RASGRP4: variants seen among roughly 807,000 people sequenced by gnomAD.
RASGRP4 encodes the protein RAS guanyl-releasing protein 4.
A neutral mutation model predicts 84.4 loss-of-function variants in RASGRP4; 52 were observed. The observed-to-expected ratio is 0.62, with a 90% CI of 0.49 to 0.78. RASGRP4 has a LOEUF of 0.78. Among genes scored for constraint, RASGRP4 ranks in the 30% least tolerant of loss-of-function variants. The pLI is 0.00. For missense variants in RASGRP4, 760 were observed against 886.9 expected, an observed-to-expected ratio of 0.86 and a Z score of 1.82; for synonymous variants, 356 against 359.1, an observed-to-expected ratio of 0.99 and a Z score of 0.10.
rs746276295 is a variant in RASGRP4 at position 38,412,981 on chromosome 19, C to T, written c.1485G>A (p.Ser495=). 20 of 1,613,888 alleles carry T rather than the reference C, an allele frequency of 1.2e-5. No homozygotes were observed. In the African/African-American group the frequency reaches 1.3e-4, roughly 11 times the overall value. ...CATGGCAGGCGAAGGGAAAATTGCC[C>T]GAGAGTCGCTCAAAGTCCTCCTGAG... ...TISQEDFERL[S]GNFPFACHGL... Residue 495 remains serine (S), a synonymous_variant, in exon 12 of 17, where the codon TCG becomes TCA. Coordinates refer to ENST00000615439, the MANE Select transcript of RASGRP4 (RefSeq NM_170604.3). The surrounding 1 kb of genome is among the most constrained non-coding windows in gnomAD (Gnocchi z 4.6).
chr19:38,410,507 G>A (rs1212568969), intron 16 of RASGRP4, among the ~76,000 whole-genome samples: 1 of 151,326 alleles, frequency 6.6e-6, no homozygotes, highest in Non-Finnish European at 1.5e-5. Context: ...CTGCCTCCCG[G>A]GCTCAAGTGA....
In RASGRP4 at chr19:38,413,335, T is replaced by C. The variant is rs1368371048; in HGVS notation, c.1312-38A>G. 6.9e-6 allele frequency: 11 copies of C among 1,591,080 alleles called. No individual in the cohort carries two copies. The highest frequency in any genetic ancestry group is 8.6e-6 in the Non-Finnish European group (10 of 1,160,388). On this transcript the variant is annotated intron_variant, in intron 10 of 16. Coordinates refer to ENST00000615439, the MANE Select transcript of RASGRP4 (RefSeq NM_170604.3). The surrounding 1 kb of genome is among the most constrained non-coding windows in gnomAD (Gnocchi z 4.7). ...CAGAGGAGCACAGTTAGTCACTGCA[T>C]AGGCTTAGGGGGGGTTCGAGGTAAT...
intron 1 of RASGRP4, among the ~76,000 whole-genome samples, chr19:38,423,911 G>A (rs577365162): frequency 6.6e-6 from 1 of 152,238 alleles, no homozygotes; most frequent in East Asian, 1.9e-4. Flanking sequence ...AGAGGCTGCT[G>A]TTCCTGATAG....
intron 8 of RASGRP4, among the ~76,000 whole-genome samples, chr19:38,415,812 A>AC (rs1971475170): frequency 6.6e-6 from 1 of 151,214 alleles, no homozygotes; most frequent in Non-Finnish European, 1.5e-5. Context: ...TAATCCCAGC[A>AC]TTTTGAGAGG....
rs1007822060 is a variant in RASGRP4 at position 38,417,874 on chromosome 19, G to C, written c.837+517C>G. Among the ~76,000 whole-genome samples, 3 of 152,176 alleles carry C rather than the reference G, an allele frequency of 2.0e-5. No homozygotes were observed. ...GTGGTCTGCGTGGAAATACGCAAGG[G>C]GGCGCGGCCACAGCGGGGCCGTAGG... On this transcript the variant is annotated intron_variant, in intron 7 of 16. Coordinates refer to ENST00000615439, the MANE Select transcript of RASGRP4 (RefSeq NM_170604.3). This position sits in a 1 kb window ranked among gnomAD's most constrained non-coding sequence, Gnocchi z 5.1.
In RASGRP4 at chr19:38,417,319, G is replaced by A. The variant is rs1971540401; in HGVS notation, c.838-151C>T. Among the ~76,000 whole-genome samples, 1 of 152,180 alleles carries A rather than the reference G, an allele frequency of 6.6e-6. No individual in the cohort carries two copies. Among genetic ancestry groups the A allele is most frequent in the Admixed American group, 6.5e-5 (1 of 15,288 alleles). On this transcript the variant is annotated intron_variant, in intron 7 of 16. Coordinates refer to ENST00000615439, the MANE Select transcript of RASGRP4 (RefSeq NM_170604.3). The surrounding 1 kb of genome is among the most constrained non-coding windows in gnomAD (Gnocchi z 5.1). ...GAGAGAAGGCGGGTGTGTGCGGCAAGAGTGGGACATGCCATGTGTGGGCCT... is the reference window on the plus strand; with the variant it reads ...GAGAGAAGGCGGGTGTGTGCGGCAAAAGTGGGACATGCCATGTGTGGGCCT...
intron 1 of RASGRP4, among the ~76,000 whole-genome samples, chr19:38,423,785 C>T (rs535874351): frequency 3.3e-5 from 5 of 152,048 alleles, no homozygotes; most frequent in Admixed American, 1.3e-4. Flanking sequence ...TGCAGTGAGC[C>T]GAGATCGTGC....
chr19:38,415,172 C>CCCTGA, intron 8 of RASGRP4, 49 bp from the exon 9 acceptor site: 1 of 1,490,978 alleles, frequency 6.7e-7, no homozygotes, highest in Non-Finnish European at 9.0e-7. Flanking sequence ...CAGTCCCATC[C>CCCTGA]CCTGAGCAGC....
chr19:38,414,415 C>G (rs1321430667), intron 9 of RASGRP4, among the ~76,000 whole-genome samples: 1 of 151,846 alleles, frequency 6.6e-6, no homozygotes, highest in Non-Finnish European at 1.5e-5. Context: ...CAACCTCCAC[C>G]TCCCGGGTTC....
rs1568414771 is a variant in RASGRP4, at chr19:38,421,162, T to A, written c.247A>T (p.Asn83Tyr). ...GSLCHEDHML[N>Y]MVLAMHSWVL... ...CAGCTGTGCATGGCCAGCACCATGT[T>A]GAGCATGTGGTCCTCGTGGCACAGG... Residue 83 changes from asparagine (N) to tyrosine (Y), a missense_variant, in exon 3 of 17, where the codon AAC (asparagine) becomes TAC (tyrosine). Asn to Tyr is a moderately radical substitution (Grantham distance 143). Coordinates refer to ENST00000615439, the MANE Select transcript of RASGRP4 (RefSeq NM_170604.3). 7 of 1,613,916 alleles carry A rather than the reference T, an allele frequency of 4.3e-6. No homozygotes were observed. The highest frequency in any genetic ancestry group is 5.9e-6 in the Non-Finnish European group (7 of 1,179,868).
Position 38,411,241 on chromosome 19 carries a change from GC to G in RASGRP4, c.1725del (p.Leu576CysfsTer11), listed in dbSNP as rs1216385192. Reference sequence around the variant, plus strand: ...TCTCTGCAGTGTTTGTGGCAACACAGCCCGCACTCTGGGGGAAGGCAGCGGC... The same window carrying G: ...TCTCTGCAGTGTTTGTGGCAACACAGCCGCACTCTGGGGGAAGGCAGCGGC... Reference protein sequence around the residue: ...TKQGYRCRECGLCCHKHCRDQ... With the variant: ...TKQGYRCRECXLCCHKHCRDQ... On this transcript the variant is annotated frameshift_variant, in exon 15 of 17. Transcript: ENST00000615439. LOFTEE classifies it high-confidence loss of function. The G allele has an allele frequency of 1.2e-6, 2 of 1,613,858 alleles. No individual in the cohort carries two copies. Among genetic ancestry groups the G allele is most frequent in the African/African-American group, 2.7e-5 (2 of 74,938 alleles).
rs923668970 is a variant in RASGRP4 at position 38,409,580 on chromosome 19, A to C, written c.*460T>G. 1 of 152,872 alleles carries C rather than the reference A, an allele frequency of 6.5e-6. No individual in the cohort carries two copies. The highest frequency in any genetic ancestry group is 2.4e-5 in the African/African-American group (1 of 41,426). The allele number at this position is 152,872 out of a possible 1,614,324, so 9.5% of individuals were successfully genotyped here. On this transcript the variant is annotated 3_prime_UTR_variant, in exon 17 of 17. Coordinates refer to ENST00000615439, the MANE Select transcript of RASGRP4 (RefSeq NM_170604.3). ...TGGGGAAACCCCGTCTCTACTAAAA[A>C]TACAAAAATTAGCCGGGCATGGTGG...
In RASGRP4 at chr19:38,409,346, C is replaced by T. The variant is rs1040940096; in HGVS notation, c.*694G>A. 1 of 153,540 alleles carries T rather than the reference C, an allele frequency of 6.5e-6. No homozygotes were observed. Among genetic ancestry groups the T allele is most frequent in the Non-Finnish European group, 1.4e-5 (1 of 69,176 alleles). The allele number at this position is 153,540 out of a possible 1,614,324, so 9.5% of individuals were successfully genotyped here. A position where few individuals can be genotyped will look rare whatever the true frequency, so the allele number is the denominator to read the frequency against. ...AGCAGTGAATGACATTGATAGAAATCCCTGTTCTCCTGGAGTTGATGCTCC... is the reference window on the plus strand; with the variant it reads ...AGCAGTGAATGACATTGATAGAAATTCCTGTTCTCCTGGAGTTGATGCTCC... On this transcript the variant is annotated 3_prime_UTR_variant, in exon 17 of 17. Coordinates refer to ENST00000615439, the MANE Select transcript of RASGRP4 (RefSeq NM_170604.3).
In RASGRP4 at chr19:38,420,134, T is replaced by A; in HGVS notation, c.506A>T (p.Asp169Val). 1 of 1,612,664 alleles carries A rather than the reference T, an allele frequency of 6.2e-7. No individual in the cohort carries two copies. The highest frequency in any genetic ancestry group is 1.1e-5 in the South Asian group (1 of 90,874). ...SAQRRLGDSS[D>V]LLSPGGPGPP... ...GGGGAGCACAGGGCTGACTCACAGG[T>A]CAGAAGAGTCTCCCAGTCTTCTCTG... Residue 169 changes from aspartate (D) to valine (V), a missense_variant, in exon 5 of 17, where the codon GAC (aspartate) becomes GTC (valine). Coordinates refer to ENST00000615439, the MANE Select transcript of RASGRP4 (RefSeq NM_170604.3).
Position 38,413,057 on chromosome 19 carries a change from G to A in RASGRP4, c.1417-8C>T. ...ATAATTCTTGAACACAGACTTCAGA[G>A]GAGTGTGGGGAAGCAGATAAGGCCC... On this transcript the variant is annotated splice_polypyrimidine_tract_variant and splice_region_variant and intron_variant, in intron 11 of 16. Transcript: ENST00000615439. The surrounding 1 kb of genome is among the most constrained non-coding windows in gnomAD (Gnocchi z 4.7). 5 of 1,609,394 alleles carry A rather than the reference G, an allele frequency of 3.1e-6. No individual in the cohort carries two copies. The South Asian group carries it at 3.3e-5, about 11-fold the overall frequency.
chr19:38,421,997 C>T lies in RASGRP4; in HGVS notation c.180G>A (p.Glu60=), dbSNP rs765886818. 23 of 1,612,592 alleles carry T rather than the reference C, an allele frequency of 1.4e-5. No homozygotes were observed. In the South Asian group the frequency reaches 2.0e-4, roughly 14 times the overall value. The change falls in exon 2 of 17, where the codon GAG becomes GAA. Residue 60 remains glutamate (E), a synonymous_variant. Transcript: ENST00000615439. ...LLSEGGCSED[E]LLEKCIQSFD... ...AGGACTGGATGCATTTCTCCAGCAG[C>T]TCATCTTCGCTGCAGCCGCCCTCAC...
intron 4 of RASGRP4, 149 bp from the exon 5 acceptor site, chr19:38,420,411 A>G: frequency 1.3e-6 from 1 of 798,660 alleles, no homozygotes; most frequent in Non-Finnish European, 1.9e-6. Context: ...TTGGAGGGGC[A>G]CCAGGCTTGG....
intron 1 of RASGRP4, among the ~76,000 whole-genome samples, chr19:38,425,764 G>A (rs931325472): frequency 1.3e-5 from 2 of 152,176 alleles, no homozygotes; most frequent in Admixed American, 6.5e-5. Flanking sequence ...CGGGGATGGG[G>A]AACCAGGAAG....
At position 38,413,026 on chromosome 19, in the gene RASGRP4, A is replaced by G. The variant is rs1971334603; in HGVS notation, c.1440T>C (p.Pro480=). 3 of 1,613,976 alleles carry G rather than the reference A, an allele frequency of 1.9e-6. No individual in the cohort carries two copies. In the African/African-American group the frequency reaches 4.0e-5, roughly 22 times the overall value. ...CCTGAGAGATTGTTCCTCGGCCTTC[A>G]GGGTCATAATTCTTGAACACAGACT... ...LVESVFKNYD[P]EGRGTISQED... The change falls in exon 12 of 17, where the codon CCT becomes CCC. Residue 480 remains proline, a synonymous_variant. Coordinates refer to ENST00000615439, the MANE Select transcript of RASGRP4 (RefSeq NM_170604.3). This position sits in a 1 kb window ranked among gnomAD's most constrained non-coding sequence, Gnocchi z 4.7.
Sources: allele counts gnomAD v4.1 joint callset (sites outside exome capture counted in the v4.1 genomes callset), GRCh38; gene constraint gnomAD v4.1.1; non-coding constraint Gnocchi (gnomAD v3.1); transcripts MANE v1.5; gene names NCBI Gene and HGNC (gene_info 2026-07-23, HGNC 2026-07-21).